TEX2: variants seen among roughly 807,000 people sequenced by gnomAD.
The protein encoded by TEX2 is testis-expressed protein 2.
Under a neutral mutation model 106.9 loss-of-function variants are expected in TEX2, and 53 were observed. That is an observed-to-expected ratio of 0.50 (90% CI 0.40 to 0.62). The LOEUF is 0.62. Among genes scored for constraint, TEX2 ranks in the 20% least tolerant of loss-of-function variants. The pLI is 0.00. For missense variants in TEX2, 1,207 were observed against 1,379.0 expected (o/e 0.88, Z 1.98); for synonymous variants, 523 against 534.8 (o/e 0.98, Z 0.30).
intron 2 of TEX2, among the ~76,000 whole-genome samples, chr17:64,198,466 A>G (rs547899104): frequency 6.6e-6 from 1 of 152,024 alleles, no homozygotes; most frequent in East Asian, 1.9e-4. Flanking sequence ...GGGAAGTTGG[A>G]GCTGATGAGA....
In TEX2 at chr17:64,156,286, C is replaced by G. The variant is rs1393440666; in HGVS notation, c.2805-1319G>C. ...AACAGGAGCCGGCTGTAAGAGGACC[C>G]GGACTGTGTCCTCCCTGGCAGGACA... On this transcript the variant is annotated intron_variant, in intron 8 of 11. Transcript: ENST00000584379. 4 of 152,308 alleles carry G rather than the reference C, an allele frequency of 2.6e-5. No individual in the cohort carries two copies. In the East Asian group the frequency reaches 7.7e-4, roughly 29 times the overall value. 9.4% of individuals were successfully genotyped at this position (152,308 alleles called of 1,614,324 possible).
chr17:64,261,771 A>G (rs1555638591), intron 1 of TEX2, among the ~76,000 whole-genome samples: 2 of 152,192 alleles, frequency 1.3e-5, no homozygotes, highest in African/African-American at 4.8e-5. Flanking sequence ...CTCTATCCAC[A>G]TCACCTCAGG....
At chr17:64,189,946 C>G (rs1212567078) in intron 4 of TEX2, among the ~76,000 whole-genome samples, 1 of 150,806 alleles carries the variant, frequency 6.6e-6, no homozygotes, top group East Asian at 1.9e-4. Context: ...GATCATACCA[C>G]TGCACTCCAG....
chr17:64,184,593 T>C (rs1342619596), intron 5 of TEX2, among the ~76,000 whole-genome samples: 1 of 152,248 alleles, frequency 6.6e-6, no homozygotes, highest in Non-Finnish European at 1.5e-5. Flanking sequence ...CAAAAGTTTC[T>C]AATTTTGATG....
chr17:64,218,713 G>A lies in TEX2; in HGVS notation c.-25-4471C>T, dbSNP rs573528101. On this transcript the variant is annotated intron_variant, in intron 1 of 11. Coordinates refer to ENST00000584379, the MANE Select transcript of TEX2 (RefSeq NM_001288732.2). ...ATTACAGGTGTGAGCCACCACACCC[G>A]GCAGCCTTTCACTTTAACAGCCTCC... Among the ~76,000 whole-genome samples, 32 of 152,184 alleles carry A rather than the reference G, an allele frequency of 2.1e-4. No homozygotes were observed. In the East Asian group the frequency reaches 4.8e-3, roughly 23 times the overall value.
intron 6 of TEX2, among the ~76,000 whole-genome samples, chr17:64,173,346 A>G (rs772124868): frequency 1.6e-4 from 25 of 152,190 alleles, no homozygotes; most frequent in Non-Finnish European, 3.1e-4. Context: ...GTTTTATAAA[A>G]TTTAGAATAA....
intron 1 of TEX2, among the ~76,000 whole-genome samples, chr17:64,247,615 C>G (rs1440868751): frequency 6.6e-6 from 1 of 152,170 alleles, no homozygotes; most frequent in Non-Finnish European, 1.5e-5. Context: ...CGCGGGGAGC[C>G]TGCAGTTCGC....
At position 64,195,923 on chromosome 17, in the gene TEX2, C is replaced by T. The variant is rs913396345; in HGVS notation, c.1645-828G>A. 1.3e-5 allele frequency among the ~76,000 whole-genome samples: 2 copies of T among 152,186 alleles called. No individual in the cohort carries two copies. The highest frequency in any genetic ancestry group is 4.8e-5 in the African/African-American group (2 of 41,434). ...AATACTTTTTCAGGTTATGAGTAGCCCAGATCTCACAAAAGAAGTCCTCTG... is the reference window on the plus strand; with the variant it reads ...AATACTTTTTCAGGTTATGAGTAGCTCAGATCTCACAAAAGAAGTCCTCTG... On this transcript the variant is annotated intron_variant, in intron 2 of 11. Transcript: ENST00000584379. This position sits in a 1 kb window ranked among gnomAD's most constrained non-coding sequence, Gnocchi z 4.1.
chr17:64,225,649 A>G (rs1555633790), intron 1 of TEX2, among the ~76,000 whole-genome samples: 1 of 152,156 alleles, frequency 6.6e-6, no homozygotes. Flanking sequence ...AAAGCCCAAG[A>G]TATGAGAATA....
intron 1 of TEX2, among the ~76,000 whole-genome samples, chr17:64,256,657 T>C (rs1427793820): frequency 6.6e-6 from 1 of 152,120 alleles, no homozygotes; most frequent in Non-Finnish European, 1.5e-5. Flanking sequence ...GTCTATTGAC[T>C]TGTTTGTTGT....
intron 2 of TEX2, among the ~76,000 whole-genome samples, chr17:64,208,443 T>C (rs1289387105): frequency 6.6e-6 from 1 of 152,032 alleles, no homozygotes; most frequent in African/African-American, 2.4e-5. Flanking sequence ...TCCCACTATG[T>C]TGCCCAGGCT....
chr17:64,153,019 C>G lies in TEX2; in HGVS notation c.3066G>C (p.Leu1022=), dbSNP rs917581125. ...KIEEVSNTPL[L]LTVEVQECRG... is the part of the protein sequence containing the mutation. ...TACATTCTTGTACTTCAACAGTGAG[C>G]AGCAGGGGTGTGTTGGAGACTTCTT... Residue 1022 remains leucine, a synonymous_variant, in exon 10 of 12, where the codon CTG becomes CTC. Coordinates refer to ENST00000584379, the MANE Select transcript of TEX2 (RefSeq NM_001288732.2). The surrounding 1 kb of genome is among the most constrained non-coding windows in gnomAD (Gnocchi z 4.1). The G allele has an allele frequency of 1.4e-5, 23 of 1,614,062 alleles. No individual in the cohort carries two copies. Among genetic ancestry groups the G allele is most frequent in the Non-Finnish European group, 1.9e-5 (22 of 1,180,044 alleles).
intron 8 of TEX2, 104 bp downstream of exon 8, chr17:64,160,697 C>G: frequency 7.1e-7 from 1 of 1,403,538 alleles, no homozygotes; most frequent in Non-Finnish European, 9.7e-7. Context: ...CAGAAGCTCA[C>G]TCAACATCCA....
intron 1 of TEX2, among the ~76,000 whole-genome samples, chr17:64,262,496 T>C (rs913993314): frequency 2.6e-5 from 4 of 152,210 alleles, no homozygotes; most frequent in Admixed American, 2.0e-4. Context: ...CCCCGCCTTC[T>C]CCGGTTCCAC....
chr17:64,188,261 G>A lies in TEX2; in HGVS notation c.2331C>T (p.Ser777=), dbSNP rs377286430. Residue 777 remains serine, a synonymous_variant, in exon 5 of 12, where the codon AGC becomes AGT. Coordinates refer to ENST00000584379, the MANE Select transcript of TEX2 (RefSeq NM_001288732.2). ...SVRQKMLLDY[S]VYMGRCVPQE... Reference sequence around the variant, plus strand: ...GGGGGACACACCTGCCCATGTACACGCTGTAGTCGAGAAGCATCTTCTGCC... The same window carrying A: ...GGGGGACACACCTGCCCATGTACACACTGTAGTCGAGAAGCATCTTCTGCC... 31 of 1,614,006 alleles carry A rather than the reference G, an allele frequency of 1.9e-5. No homozygotes were observed. Among genetic ancestry groups the A allele is most frequent in the Middle Eastern group, 1.7e-4 (1 of 5,964 alleles).
chr17:64,212,691 T>G lies in TEX2; in HGVS notation c.1527A>C (p.Ala509=). Reference sequence around the variant, plus strand: ...GTGTAAAAAACCAAATCACGCAAACTGCAGTCATGAATCCAAGGCCAATTC... The same window carrying G: ...GTGTAAAAAACCAAATCACGCAAACGGCAGTCATGAATCCAAGGCCAATTC... ...FLGIGLGFMT[A]VCVIWFFTPP... The change falls in exon 2 of 12, where the codon GCA becomes GCC. Residue 509 remains alanine, a synonymous_variant. Transcript: ENST00000584379. The G allele has an allele frequency of 1.2e-6, 2 of 1,614,152 alleles. No homozygotes were observed. Among genetic ancestry groups the G allele is most frequent in the Non-Finnish European group, 1.7e-6 (2 of 1,180,022 alleles).
At position 64,193,668 on chromosome 17, in the gene TEX2, G is replaced by A. The variant is rs759548033; in HGVS notation, c.2067C>T (p.Leu689=). ...CTTTTTCTCGGCCAGTTCTCCCAAA[G>A]AGATAGAGTATCTGATCTCGCTGGC... ...RSSQRDQILY[L]FGRTGREKEE... Residue 689 remains leucine, a synonymous_variant, in exon 4 of 12, where the codon CTC becomes CTT. Transcript: ENST00000584379. 3 of 1,589,858 alleles carry A rather than the reference G, an allele frequency of 1.9e-6. No homozygotes were observed. The highest frequency in any genetic ancestry group is 2.3e-5 in the South Asian group (2 of 87,494).
Position 64,186,168 on chromosome 17 carries a change from C to A in TEX2, c.2424+2000G>T, listed in dbSNP as rs16947552. The stretch of plus-strand genomic sequence containing the variant: ...AGGAAGCATTTTATTGGATAATTTT[C>A]TTAACGTCAGTGCACAATTCTCCTC... On this transcript the variant is annotated intron_variant, in intron 5 of 11. Coordinates refer to ENST00000584379, the MANE Select transcript of TEX2 (RefSeq NM_001288732.2). Among the ~76,000 whole-genome samples, 472 of 152,282 alleles carry A rather than the reference C, an allele frequency of 3.1e-3. 2 individuals carry two copies. Among genetic ancestry groups the A allele is most frequent in the African/African-American group, 0.011 (450 of 41,552 alleles).
At position 64,213,254 on chromosome 17, in the gene TEX2, A is replaced by G. The variant is rs2033068632; in HGVS notation, c.964T>C (p.Ser322Pro). ...TTGGAGAGTTCTGAAGCACTTGAAGATAAGGCTTTGGGCCTATGGCTGCCA... is the reference window on the plus strand; with the variant it reads ...TTGGAGAGTTCTGAAGCACTTGAAGGTAAGGCTTTGGGCCTATGGCTGCCA... ...ESGSHRPKAL[S>P]SSASELSNLS... Residue 322 changes from serine to proline, a missense_variant, in exon 2 of 12, where the codon TCT becomes CCT. This residue lies in a region of TEX2 where 1,067 missense variants were observed against 1,193.6 expected (regional missense o/e 0.89). Transcript: ENST00000584379. This position sits in a 1 kb window ranked among gnomAD's most constrained non-coding sequence, Gnocchi z 4.4. 1 of 1,614,092 alleles carries G rather than the reference A, an allele frequency of 6.2e-7. No homozygotes were observed. The highest frequency in any genetic ancestry group is 1.7e-5 in the Admixed American group (1 of 60,014).
Sources: allele counts gnomAD v4.1 joint callset (sites outside exome capture counted in the v4.1 genomes callset), GRCh38; gene constraint gnomAD v4.1.1; regional missense constraint gnomAD v4.1.1; non-coding constraint Gnocchi (gnomAD v3.1); transcripts MANE v1.5; gene names NCBI Gene and HGNC (gene_info 2026-07-23, HGNC 2026-07-21).